RFT1: variants seen among roughly 807,000 people sequenced by gnomAD.
The protein encoded by RFT1 is man(5)GlcNAc(2)-PP-dolichol translocation protein RFT1.
In RFT1, 43 loss-of-function variants were observed where a neutral mutation model predicts 62.2. The observed-to-expected ratio is 0.69, with a 90% CI of 0.54 to 0.89. The LOEUF is 0.89. Ranked by LOEUF, RFT1 falls within the 40% of genes least tolerant of loss-of-function variation. RFT1 has a pLI of 0.00. For synonymous variants in RFT1, 262 were observed against 264.6 expected, an observed-to-expected ratio of 0.99 and a Z score of 0.10; for missense variants, 605 against 649.9, an observed-to-expected ratio of 0.93 and a Z score of 0.75.
chr3:53,089,363 C>A lies in RFT1; in HGVS notation c.*2540G>T, dbSNP rs1700930338. 8 of 152,278 alleles carry A rather than the reference C, an allele frequency of 5.3e-5. No homozygotes were observed. Among genetic ancestry groups the A allele is most frequent in the Admixed American group, 5.2e-4 (8 of 15,282 alleles). The allele number at this position is 152,278 out of a possible 1,614,324, so 9.4% of individuals were successfully genotyped here. A position where few individuals can be genotyped will look rare whatever the true frequency, so the allele number is the denominator to read the frequency against. The stretch of plus-strand genomic sequence containing the variant: ...AGGAAGTCAGCGATACTGTTCTTCT[C>A]ACCAACGAATGCTCCTTCCTTTCAT... On this transcript the variant is annotated 3_prime_UTR_variant, in exon 13 of 13. Transcript: ENST00000296292.
intron 7 of RFT1, among the ~76,000 whole-genome samples, chr3:53,107,276 C>T (rs1701510815): frequency 6.6e-6 from 1 of 151,922 alleles, no homozygotes; most frequent in Non-Finnish European, 1.5e-5. Flanking sequence ...GCTGGGACTA[C>T]AGGCGCCCGC....
At position 53,111,658 on chromosome 3, in the gene RFT1, CAAACT is replaced by C. The variant is rs1347158935; in HGVS notation, c.775+167_775+171del. On this transcript the variant is annotated intron_variant, in intron 7 of 12. Transcript: ENST00000296292. ...TAAATTAGACCACTAAGTAAAGCAT[CAAACT>C]AAACAGACGTTGGTTTCTCTCTCCG... is the stretch of plus-strand genomic sequence containing the variant. Among the ~76,000 whole-genome samples the C allele has an allele frequency of 2.6e-5, 4 of 152,226 alleles. No individual in the cohort carries two copies. In the East Asian group the frequency reaches 7.7e-4, roughly 29 times the overall value.
chr3:53,128,024 G>A lies in RFT1; in HGVS notation c.64-2030C>T, dbSNP rs570654160. Among the ~76,000 whole-genome samples the A allele has an allele frequency of 4.6e-5, 7 of 151,964 alleles. No homozygotes were observed. In the East Asian group the frequency reaches 5.9e-4, roughly 13 times the overall value. On this transcript the variant is annotated intron_variant, in intron 1 of 12. Coordinates refer to ENST00000296292, the MANE Select transcript of RFT1 (RefSeq NM_052859.4). The stretch of plus-strand genomic sequence containing the variant: ...TGGTTATTAAAAAAAAAATCCGAGC[G>A]CGGTAGCTCACACCTGTAATGCCAG...
rs1701992524 is a variant in RFT1, at chr3:53,122,360, G to A, written c.456+14C>T. The A allele has an allele frequency of 1.2e-6, 2 of 1,611,732 alleles. No individual in the cohort carries two copies. The highest frequency in any genetic ancestry group is 1.3e-5 in the African/African-American group (1 of 74,818). ...TTCTTCCCATTTCCCATTCACAGCA[G>A]AAGGTGCACTGACCTTGAGCTTCAC... is the stretch of plus-strand genomic sequence containing the variant. On this transcript the variant is annotated intron_variant, in intron 4 of 12. Transcript: ENST00000296292.
At chr3:53,105,351 T>C (rs955458235) in intron 9 of RFT1, among the ~76,000 whole-genome samples, 1 of 151,296 alleles carries the variant, frequency 6.6e-6, no homozygotes. Context: ...GAGGTGGAGG[T>C]TGCAGTGAGC....
chr3:53,105,613 T>C (rs1701446897), intron 9 of RFT1, 60 bp downstream of exon 9: 2 of 1,575,538 alleles, frequency 1.3e-6, no homozygotes, highest in Non-Finnish European at 1.7e-6. Context: ...TTCACACTCC[T>C]GTCTGTCTTG....
At chr3:53,068,360 G>C in the RFT1 span, among the ~76,000 whole-genome samples, 1 of 152,118 alleles carries the variant, frequency 6.6e-6, no homozygotes, top group African/African-American at 2.4e-5. Flanking sequence ...TGGGCACAGA[G>C]ACCACAGTCA....
At chr3:53,120,142 G>A in intron 5 of RFT1, 121 bp from the exon 6 acceptor site, 1 of 817,092 alleles carries the variant, frequency 1.2e-6, no homozygotes, top group Non-Finnish European at 1.8e-6. Flanking sequence ...ATTCAGCAAT[G>A]CCTTACCCTC....
At chr3:53,067,731 A>C in the RFT1 span, among the ~76,000 whole-genome samples, 9 of 152,322 alleles carry the variant, frequency 5.9e-5, no homozygotes, top group East Asian at 1.7e-3. Context: ...AGGAGCAGGC[A>C]GTGGCCCTGG....
intron 11 of RFT1, among the ~76,000 whole-genome samples, chr3:53,095,720 A>G (rs1272706523): frequency 3.4e-5 from 1 of 29,036 alleles, no homozygotes; most frequent in Non-Finnish European, 1.1e-4. Flanking sequence ...TGTCTCAAAA[A>G]AAGTTAAAAA....
At chr3:53,077,595 G>C in the RFT1 span, 3 of 152,252 alleles carry the variant, frequency 2.0e-5, no homozygotes, top group African/African-American at 7.2e-5. Flanking sequence ...TTCCCATCCA[G>C]CTAGGCTGGT....
In RFT1 at chr3:53,120,123, GCACT is replaced by G. The variant is rs199819350; in HGVS notation, c.559-106_559-103del. 319,219 of 1,043,166 alleles carry G rather than the reference GCACT, an allele frequency of 0.31. 50,662 individuals carry two copies. Among genetic ancestry groups the G allele is most frequent in the Middle Eastern group, 0.37 (1,174 of 3,170 alleles). 64.6% of individuals were successfully genotyped at this position (1,043,166 alleles called of 1,614,324 possible). A position where few individuals can be genotyped will look rare whatever the true frequency, so the allele number is the denominator to read the frequency against. On this transcript the variant is annotated intron_variant, in intron 5 of 12. Coordinates refer to ENST00000296292, the MANE Select transcript of RFT1 (RefSeq NM_052859.4). ...AGTAATAGAACTCTCTTGATTAACTGCACTTTCTATTCAGCAATGCCTTACCCTC... is the reference window on the plus strand; with the variant it reads ...AGTAATAGAACTCTCTTGATTAACTGTTCTATTCAGCAATGCCTTACCCTC...
At chr3:53,086,943 A>C (rs1371626693), downstream of RFT1, among the ~76,000 whole-genome samples, 3 of 152,134 alleles carry the variant, frequency 2.0e-5, no homozygotes, top group Non-Finnish European at 4.4e-5. Flanking sequence ...GGAGTGTGTA[A>C]ATATGTGAAG....
chr3:53,083,329 T>C, the RFT1 span, among the ~76,000 whole-genome samples: 2 of 142,616 alleles, frequency 1.4e-5, no homozygotes, highest in East Asian at 4.2e-4. Context: ...CTGGGCAACA[T>C]AGTGAGACTC....
intron 4 of RFT1, among the ~76,000 whole-genome samples, 194 bp from the exon 5 acceptor site, chr3:53,121,994 T>G (rs1701982990): frequency 6.6e-6 from 1 of 152,226 alleles, no homozygotes; most frequent in East Asian, 1.9e-4. Context: ...TATATTATGC[T>G]TTAAGATTTA....
At chr3:53,081,057 A>G in the RFT1 span, among the ~76,000 whole-genome samples, 1 of 152,248 alleles carries the variant, frequency 6.6e-6, no homozygotes, top group Non-Finnish European at 1.5e-5. Flanking sequence ...CAGGCCTGAC[A>G]CAGGCGAGTG....
downstream of RFT1, among the ~76,000 whole-genome samples, chr3:53,084,417 G>GC (rs1700816387): frequency 6.6e-6 from 1 of 152,190 alleles, no homozygotes; most frequent in Non-Finnish European, 1.5e-5. Flanking sequence ...GGCTCCCCCT[G>GC]CTCTCCCACC....
intron 11 of RFT1, 70 bp downstream of exon 11, chr3:53,099,311 A>G: frequency 1.5e-6 from 2 of 1,321,300 alleles, no homozygotes; most frequent in East Asian, 4.6e-5. Context: ...AACGAAAAGC[A>G]AAAAGCTTGA....
At chr3:53,086,707 C>G (rs941311581), downstream of RFT1, among the ~76,000 whole-genome samples, 3 of 152,138 alleles carry the variant, frequency 2.0e-5, no homozygotes, top group African/African-American at 7.2e-5. Flanking sequence ...ATCTTCTTTC[C>G]AAATCTGGTC....
Sources: gnomAD v4.1 joint callset for allele counts (sites outside exome capture counted in the v4.1 genomes callset) on GRCh38, gnomAD v4.1.1 for gene constraint, MANE v1.5 for transcripts, NCBI Gene and HGNC (gene_info 2026-07-23, HGNC 2026-07-21) for gene names.